Variants in CCDC148 observed in about 807,000 individuals in gnomAD.
CCDC148 encodes coiled-coil domain containing 148.
Under a neutral mutation model 85.7 loss-of-function variants are expected in CCDC148, and 89 were observed. That is an observed-to-expected ratio of 1.04 (90% CI 0.87 to 1.24). The LOEUF is 1.24. Among genes scored for constraint, CCDC148 ranks in the 50% most tolerant of loss-of-function variants. The probability of loss-of-function intolerance (pLI) is 0.00; values close to 1 mark genes in which losing one functional copy is unlikely to be tolerated. For missense variants in CCDC148, 692 were observed against 671.7 expected, an observed-to-expected ratio of 1.03 and a Z score of -0.33; for synonymous variants, 230 against 213.9, an observed-to-expected ratio of 1.08 and a Z score of -0.66.
chr2:158,210,810 T>TTAG (rs1686529988), intron 11 of CCDC148, among the ~76,000 whole-genome samples: 2 of 109,526 alleles, frequency 1.8e-5, no homozygotes, highest in African/African-American at 7.5e-5. Context: ...AAAAAAAAAA[T>TTAG]TAGCCGGGCA....
chr2:158,269,668 A>AG (rs1406034178), intron 9 of CCDC148, among the ~76,000 whole-genome samples: 3 of 152,114 alleles, frequency 2.0e-5, no homozygotes, highest in Non-Finnish European at 4.4e-5. Context: ...CTCACAGGAT[A>AG]CCTAATTGGA....
At chr2:158,376,786 C>T (rs964572706) in intron 1 of CCDC148, among the ~76,000 whole-genome samples, 8 of 151,942 alleles carry the variant, frequency 5.3e-5, no homozygotes, top group African/African-American at 1.7e-4. Context: ...AAATCATAAA[C>T]GAAAATCTTC....
intron 9 of CCDC148, among the ~76,000 whole-genome samples, chr2:158,295,332 C>T (rs1056417089): frequency 3.9e-5 from 6 of 152,078 alleles, no homozygotes; most frequent in African/African-American, 1.4e-4. Flanking sequence ...TGAAACTATT[C>T]CAATCAATAG....
intron 3 of CCDC148, 43 bp downstream of exon 3, chr2:158,345,172 C>T: frequency 7.6e-7 from 1 of 1,320,618 alleles, no homozygotes; most frequent in Non-Finnish European, 1.1e-6. Context: ...AGTGCTATTC[C>T]TAGTAATTCC....
At chr2:158,424,641 C>T (rs1185860585) in intron 1 of CCDC148, 1 of 175,350 alleles carries the variant, frequency 5.7e-6, no homozygotes, top group Non-Finnish European at 1.2e-5. Flanking sequence ...GGGTGCAGCA[C>T]ACCAACATGG....
chr2:158,187,100 C>A (rs745645890), intron 11 of CCDC148, among the ~76,000 whole-genome samples: 1 of 152,056 alleles, frequency 6.6e-6, no homozygotes, highest in African/African-American at 2.4e-5. Flanking sequence ...TCATGGCTAA[C>A]TCTCCCTCTT....
chr2:158,390,987 T>G (rs1685279785), intron 1 of CCDC148, among the ~76,000 whole-genome samples: 2 of 152,188 alleles, frequency 1.3e-5, no homozygotes, highest in Non-Finnish European at 2.9e-5. Context: ...CTTATCTTTA[T>G]GGGCAGGCAA....
At chr2:158,392,024 C>T (rs1397785673) in intron 1 of CCDC148, among the ~76,000 whole-genome samples, 2 of 152,096 alleles carry the variant, frequency 1.3e-5, no homozygotes, top group Non-Finnish European at 2.9e-5. Flanking sequence ...GTGATGACTT[C>T]ACCAGATAAA....
intron 10 of CCDC148, 117 bp from the exon 11 acceptor site, chr2:158,220,830 T>C (rs1051448142): frequency 1.4e-6 from 1 of 725,916 alleles, no homozygotes; most frequent in Non-Finnish European, 2.2e-6. Flanking sequence ...GGGCACTTCA[T>C]CTTTTTTGTT....
intron 11 of CCDC148, among the ~76,000 whole-genome samples, chr2:158,185,857 G>C (rs919901581): frequency 2.6e-5 from 4 of 151,876 alleles, no homozygotes; most frequent in Admixed American, 1.3e-4. Context: ...ATTGTTTATA[G>C]AGAATTTAAA....
At chr2:158,192,174 G>A (rs764983029) in intron 11 of CCDC148, among the ~76,000 whole-genome samples, 3 of 151,878 alleles carry the variant, frequency 2.0e-5, no homozygotes, top group Non-Finnish European at 4.4e-5. Flanking sequence ...ATATCTTCTC[G>A]CCAGCTTTAT....
At chr2:158,208,955 T>A (rs6705817) in intron 11 of CCDC148, among the ~76,000 whole-genome samples, 34,125 of 151,744 alleles carry the variant, frequency 0.22, 3,871 homozygotes, top group Middle Eastern at 0.27. Flanking sequence ...ATATATTTTT[T>A]AAAAAAACCC....
chr2:158,187,121 C>A (rs1685192119), intron 11 of CCDC148, among the ~76,000 whole-genome samples: 1 of 152,126 alleles, frequency 6.6e-6, no homozygotes, highest in East Asian at 1.9e-4. Context: ...AGTGGAGAAC[C>A]TCACCTGCTC....
intron 1 of CCDC148, among the ~76,000 whole-genome samples, chr2:158,379,199 T>C (rs1433680325): frequency 6.6e-6 from 1 of 152,142 alleles, no homozygotes; most frequent in Non-Finnish European, 1.5e-5. Flanking sequence ...CCAACCCTTG[T>C]AAATAACTTT....
At chr2:158,201,782 T>C (rs182843244) in intron 11 of CCDC148, among the ~76,000 whole-genome samples, 2 of 152,024 alleles carry the variant, frequency 1.3e-5, no homozygotes, top group Non-Finnish European at 2.9e-5. Context: ...TTGGGAGGGG[T>C]TAAAAAAACA....
At chr2:158,221,086 T>C (rs1451145948) in intron 10 of CCDC148, among the ~76,000 whole-genome samples, 1 of 152,228 alleles carries the variant, frequency 6.6e-6, no homozygotes, top group Non-Finnish European at 1.5e-5. Context: ...CTTATGGTAA[T>C]GCAGTCTTTA....
intron 10 of CCDC148, among the ~76,000 whole-genome samples, chr2:158,229,826 C>A (rs1294458340): frequency 1.3e-5 from 2 of 152,084 alleles, no homozygotes; most frequent in Non-Finnish European, 2.9e-5. Context: ...TAATTTTATC[C>A]CATTGCAATA....
intron 11 of CCDC148, among the ~76,000 whole-genome samples, chr2:158,190,072 G>A (rs913695705): frequency 1.3e-5 from 2 of 151,948 alleles, no homozygotes; most frequent in Non-Finnish European, 2.9e-5. Context: ...TAGTCAGTGA[G>A]TATGTCTTTG....
At chr2:158,203,225 T>C (rs1204678263) in intron 11 of CCDC148, among the ~76,000 whole-genome samples, 2 of 152,214 alleles carry the variant, frequency 1.3e-5, no homozygotes, top group African/African-American at 4.8e-5. Flanking sequence ...GTCTTTACCT[T>C]GACAGATCAA....
Sources: gnomAD v4.1 joint callset for allele counts (sites outside exome capture counted in the v4.1 genomes callset) on GRCh38, gnomAD v4.1.1 for gene constraint, MANE v1.5 for transcripts, NCBI Gene and HGNC (gene_info 2026-07-23, HGNC 2026-07-21) for gene names.